ERICH6: variants seen among roughly 807,000 people sequenced by gnomAD.
The protein encoded by ERICH6 is glutamate rich 6.
ERICH6 carries 71 observed loss-of-function variants against 71.0 expected under a neutral mutation model. The observed-to-expected ratio is 1.00, with a 90% CI of 0.83 to 1.22. The LOEUF (loss-of-function observed/expected upper bound fraction) is 1.22. ERICH6 is among the 50% of genes most tolerant of loss of function. The pLI is 0.00. For synonymous variants in ERICH6, 262 were observed against 278.4 expected (o/e 0.94, Z 0.59); for missense variants, 808 against 797.2 (o/e 1.01, Z -0.16).
intron 10 of ERICH6, among the ~76,000 whole-genome samples, chr3:150,677,247 C>T (rs1711696459): frequency 6.6e-6 from 1 of 152,048 alleles, no homozygotes; most frequent in Non-Finnish European, 1.5e-5. Flanking sequence ...CTGGTTCACC[C>T]CTTAAATTCT....
At chr3:150,680,361 C>T (rs961815759) in intron 9 of ERICH6, 107 bp downstream of exon 9, 5 of 1,188,770 alleles carry the variant, frequency 4.2e-6, no homozygotes, top group African/African-American at 3.0e-5. Context: ...AGCCACTGCA[C>T]CTGGCCAATA....
In ERICH6 at chr3:150,688,731, C is replaced by T. The variant is rs756442528; in HGVS notation, c.554-2377G>A. On this transcript the variant is annotated intron_variant, in intron 3 of 13. Coordinates refer to ENST00000295910, the MANE Select transcript of ERICH6 (RefSeq NM_152394.5). Reference sequence around the variant, plus strand: ...CAATCATTTGTCTCTTCTCTACCTACGACCTGGGAGCCCCCTCCCGGCTTT... The same window carrying T: ...CAATCATTTGTCTCTTCTCTACCTATGACCTGGGAGCCCCCTCCCGGCTTT... Among the ~76,000 whole-genome samples the T allele has an allele frequency of 5.3e-5, 8 of 152,238 alleles. No individual in the cohort carries two copies. The South Asian group carries it at 8.3e-4, about 16-fold the overall frequency.
Position 150,689,165 on chromosome 3 carries a change from C to T in ERICH6, c.554-2811G>A, listed in dbSNP as rs115746772. Among the ~76,000 whole-genome samples, 1,090 of 152,230 alleles carry T rather than the reference C, an allele frequency of 7.2e-3. 15 individuals carry two copies. Among genetic ancestry groups the T allele is most frequent in the South Asian group, 0.036 (175 of 4,816 alleles). On this transcript the variant is annotated intron_variant, in intron 3 of 13. Coordinates refer to ENST00000295910, the MANE Select transcript of ERICH6 (RefSeq NM_152394.5). Reference sequence around the variant, plus strand: ...TCCCTGATCTCCTCAAATTTGGTCACGATCTAAACTTTATTTTGCTGTACA... The same window carrying T: ...TCCCTGATCTCCTCAAATTTGGTCATGATCTAAACTTTATTTTGCTGTACA...
chr3:150,701,461 T>C (rs1395154660), intron 2 of ERICH6, among the ~76,000 whole-genome samples: 1 of 152,188 alleles, frequency 6.6e-6, no homozygotes, highest in Non-Finnish European at 1.5e-5. Context: ...TTGTGTAGTT[T>C]GATTTTTTTA....
At chr3:150,681,919 A>G (rs779763998) in intron 7 of ERICH6, among the ~76,000 whole-genome samples, 4 of 148,420 alleles carry the variant, frequency 2.7e-5, no homozygotes, top group Non-Finnish European at 5.9e-5. Context: ...GGTTCAAGCA[A>G]TTCTCCTGCC....
At chr3:150,666,646 A>G (rs1273724520) in intron 13 of ERICH6, 141 bp downstream of exon 13, 1 of 727,266 alleles carries the variant, frequency 1.4e-6, no homozygotes, top group Non-Finnish European at 2.2e-6. Flanking sequence ...CTTTCATTAC[A>G]TGTTTTTCCA....
chr3:150,677,799 G>C (rs1352768933), intron 10 of ERICH6, among the ~76,000 whole-genome samples: 1 of 151,774 alleles, frequency 6.6e-6, no homozygotes. Flanking sequence ...ACCTGGTCTT[G>C]GAAAATTTGT....
At chr3:150,685,674 T>C in intron 6 of ERICH6, 68 bp downstream of exon 6, 1 of 1,315,104 alleles carries the variant, frequency 7.6e-7, no homozygotes, top group Non-Finnish European at 1.1e-6. Flanking sequence ...CTGTCTATTG[T>C]GCAAATCATT....
chr3:150,679,963 G>T (rs1347933388), intron 9 of ERICH6, among the ~76,000 whole-genome samples: 1 of 151,518 alleles, frequency 6.6e-6, no homozygotes, highest in African/African-American at 2.4e-5. Flanking sequence ...CAGCCAAGTT[G>T]ACTTATTTTT....
intron 6 of ERICH6, among the ~76,000 whole-genome samples, chr3:150,683,195 G>A (rs1325989443): frequency 6.6e-6 from 1 of 152,238 alleles, no homozygotes; most frequent in Non-Finnish European, 1.5e-5. Context: ...CACTACCCCA[G>A]AGTAATGTCC....
At chr3:150,688,462 C>T (rs866758159) in intron 3 of ERICH6, among the ~76,000 whole-genome samples, 1 of 152,144 alleles carries the variant, frequency 6.6e-6, no homozygotes, top group Admixed American at 6.5e-5. Context: ...GAGAGATGTC[C>T]GTGATACATT....
intron 3 of ERICH6, among the ~76,000 whole-genome samples, chr3:150,692,998 A>C (rs1712512151): frequency 6.6e-6 from 1 of 152,180 alleles, no homozygotes; most frequent in Non-Finnish European, 1.5e-5. Context: ...AACTAATAGA[A>C]GTCTGAAGCA....
chr3:150,682,382 C>T, intron 6 of ERICH6, 66 bp from the exon 7 acceptor site: 1 of 1,203,852 alleles, frequency 8.3e-7, no homozygotes, highest in Non-Finnish European at 1.2e-6. Context: ...CTGAGAGCAG[C>T]AGGAGCACGA....
At chr3:150,667,045 A>G in intron 12 of ERICH6, 30 bp from the exon 13 acceptor site, 2 of 1,580,206 alleles carry the variant, frequency 1.3e-6, no homozygotes, top group Non-Finnish European at 1.7e-6. Flanking sequence ...AAATATCATA[A>G]ACAGTAACAC....
At chr3:150,679,344 G>C (rs949036559) in intron 9 of ERICH6, among the ~76,000 whole-genome samples, 13 of 152,108 alleles carry the variant, frequency 8.5e-5, no homozygotes, top group Admixed American at 8.5e-4. Flanking sequence ...GCAGTGATGT[G>C]AAGTCTTTTA....
At chr3:150,667,360 G>T (rs779979664) in intron 12 of ERICH6, among the ~76,000 whole-genome samples, 6 of 152,194 alleles carry the variant, frequency 3.9e-5, no homozygotes, top group Non-Finnish European at 7.3e-5. Context: ...GGAAAGACCA[G>T]TGCTTAGATT....
At chr3:150,699,446 A>C (rs556293589) in intron 2 of ERICH6, among the ~76,000 whole-genome samples, 1 of 152,248 alleles carries the variant, frequency 6.6e-6, no homozygotes, top group East Asian at 1.9e-4. Flanking sequence ...AACATGCCCC[A>C]CCCATCTGCA....
In ERICH6 at chr3:150,689,832, G is replaced by A. The variant is rs114666071; in HGVS notation, c.554-3478C>T. On this transcript the variant is annotated intron_variant, in intron 3 of 13. Coordinates refer to ENST00000295910, the MANE Select transcript of ERICH6 (RefSeq NM_152394.5). ...AGAGAAGGTACCAGAGTCCCTTTGC[G>A]GGAGAACGCTGTTTTTCCTTATGGG... Among the ~76,000 whole-genome samples, 1,062 of 152,238 alleles carry A rather than the reference G, an allele frequency of 7.0e-3. 14 individuals carry two copies. The highest frequency in any genetic ancestry group is 0.035 in the South Asian group (171 of 4,822).
At chr3:150,674,146 T>C in intron 10 of ERICH6, 105 bp from the exon 11 acceptor site, 1 of 871,382 alleles carries the variant, frequency 1.1e-6, no homozygotes, top group East Asian at 2.6e-5. Flanking sequence ...TACAAATCAA[T>C]TATTAATTTA....
Sources: allele counts gnomAD v4.1 joint callset (sites outside exome capture counted in the v4.1 genomes callset), GRCh38; gene constraint gnomAD v4.1.1; transcripts MANE v1.5; gene names NCBI Gene and HGNC (gene_info 2026-07-23, HGNC 2026-07-21).